Variants in KAZN observed in about 807,000 individuals in gnomAD.
KAZN encodes kazrin, periplakin interacting protein, also known as kazrin.
KAZN carries 40 observed loss-of-function variants against 87.4 expected under a neutral mutation model. The observed-to-expected ratio is 0.46, with a 90% CI of 0.36 to 0.60. The LOEUF (loss-of-function observed/expected upper bound fraction) is 0.60. KAZN is among the 20% of genes least tolerant of loss of function. KAZN has a pLI of 0.00. For synonymous variants in KAZN, 466 were observed against 458.3 expected (o/e 1.02, Z -0.22); for missense variants, 898 against 1,073.9 (o/e 0.84, Z 2.29).
chr1:14,189,100 C>G lies in KAZN; in HGVS notation c.249+8508C>G, dbSNP rs574631279. Among the ~76,000 whole-genome samples the G allele has an allele frequency of 3.9e-5, 6 of 152,222 alleles. No individual in the cohort carries two copies. In the East Asian group the frequency reaches 9.7e-4, roughly 25 times the overall value. On this transcript the variant is annotated intron_variant, in intron 2 of 16. Transcript: ENST00000636203. ...ATACAGCCAGTAAGACTCCTTGGTG[C>G]CAACTCGAGCCAATAGCCCATGTTC...
At chr1:14,329,761 A>G (rs1194384663) in intron 2 of KAZN, among the ~76,000 whole-genome samples, 1 of 152,208 alleles carries the variant, frequency 6.6e-6, no homozygotes, top group Non-Finnish European at 1.5e-5. Context: ...CATAAGTCAA[A>G]GGATCATTGG....
intron 6 of KAZN, chr1:15,062,082 G>T (rs1292347935): frequency 6.6e-6 from 1 of 152,174 alleles, no homozygotes; most frequent in Non-Finnish European, 1.5e-5. Flanking sequence ...TCTCGTGGTG[G>T]GCCCATGGGG....
chr1:14,060,102 C>G lies in KAZN; in HGVS notation c.92-120333C>G, dbSNP rs114248332. ...GAATGAGCCTGGGGGCAGTGGTTCA[C>G]GCCTGTAATCCAGCACTTTGGGAGG... On this transcript the variant is annotated intron_variant, in intron 1 of 16. Coordinates refer to the KAZN transcript ENST00000636203. Among the ~76,000 whole-genome samples the G allele has an allele frequency of 5.0e-3, 749 of 150,614 alleles. 5 individuals carry two copies. Among genetic ancestry groups the G allele is most frequent in the African/African-American group, 0.018 (716 of 40,082 alleles).
intron 1 of KAZN, among the ~76,000 whole-genome samples, chr1:14,946,533 T>G (rs1661819366): frequency 6.6e-6 from 1 of 152,052 alleles, no homozygotes; most frequent in Admixed American, 6.6e-5. Context: ...GAGACAGGGT[T>G]TCACCGTGTT....
At chr1:14,246,363 T>G (rs1649515219) in intron 2 of KAZN, among the ~76,000 whole-genome samples, 1 of 152,228 alleles carries the variant, frequency 6.6e-6, no homozygotes, top group African/African-American at 2.4e-5. Context: ...TGTTGTTATT[T>G]ATTGCCATTT....
At chr1:14,178,516 T>C (rs1646131655) in intron 1 of KAZN, among the ~76,000 whole-genome samples, 1 of 152,232 alleles carries the variant, frequency 6.6e-6, no homozygotes, top group African/African-American at 2.4e-5. Context: ...TTTTCATCCC[T>C]AGAGGTTCCA....
At chr1:15,006,836 C>G (rs1269620917) in intron 2 of KAZN, among the ~76,000 whole-genome samples, 2 of 152,020 alleles carry the variant, frequency 1.3e-5, no homozygotes, top group East Asian at 3.9e-4. Context: ...GCAGGCGGAT[C>G]ACGAGGTCAG....
intron 2 of KAZN, among the ~76,000 whole-genome samples, chr1:14,226,316 A>G (rs550309799): frequency 6.6e-6 from 1 of 152,324 alleles, no homozygotes; most frequent in East Asian, 1.9e-4. Flanking sequence ...AATTTTCAAT[A>G]TCACTAATCA....
At chr1:14,023,062 C>A (rs1479037317) in intron 1 of KAZN, among the ~76,000 whole-genome samples, 2 of 152,142 alleles carry the variant, frequency 1.3e-5, no homozygotes, top group Non-Finnish European at 2.9e-5. Flanking sequence ...TGCCTGTAAT[C>A]CCAACACTTT....
intron 1 of KAZN, among the ~76,000 whole-genome samples, chr1:14,109,740 G>A (rs1644456912): frequency 7.3e-6 from 1 of 137,354 alleles, no homozygotes; most frequent in South Asian, 2.3e-4. Context: ...GCAAAGACTG[G>A]AGCCACCATT....
chr1:15,085,838 G>A (rs1187611646), intron 8 of KAZN, among the ~76,000 whole-genome samples: 1 of 152,168 alleles, frequency 6.6e-6, no homozygotes, highest in Non-Finnish European at 1.5e-5. Flanking sequence ...AGGTAATATT[G>A]TAAGAGATAA....
chr1:14,392,030 A>G (rs1662482383), intron 2 of KAZN, among the ~76,000 whole-genome samples: 1 of 152,018 alleles, frequency 6.6e-6, no homozygotes, highest in Non-Finnish European at 1.5e-5. Context: ...GAATATGACA[A>G]GTCCTTGGGA....
intron 1 of KAZN, among the ~76,000 whole-genome samples, chr1:14,605,420 C>T (rs1292220459): frequency 1.3e-5 from 2 of 152,178 alleles, no homozygotes. Flanking sequence ...CACTTAACTC[C>T]TACTAGCCTA....
At chr1:14,928,038 T>C (rs1374222990) in intron 1 of KAZN, among the ~76,000 whole-genome samples, 2 of 152,080 alleles carry the variant, frequency 1.3e-5, no homozygotes, top group African/African-American at 4.8e-5. Flanking sequence ...AAACTGGTCC[T>C]TAGAACAGTT....
intron 1 of KAZN, among the ~76,000 whole-genome samples, chr1:13,930,444 TTACAATGGGA>T (rs1441948859): frequency 2.4e-4 from 36 of 152,316 alleles, no homozygotes; most frequent in African/African-American, 8.7e-4. Context: ...CATGTCATTA[TTACAATGGGA>T]TACAATGGGA....
At chr1:15,055,979 C>A (rs1557763188) in intron 4 of KAZN, 112 bp from the exon 5 acceptor site, 1 of 1,037,258 alleles carries the variant, frequency 9.6e-7, no homozygotes, top group Non-Finnish European at 1.4e-6. Flanking sequence ...GCCAGCAATA[C>A]CCGGTGCAGA....
chr1:14,477,450 CTCTCTCTCTCTCTT>C (rs377605618), intron 2 of KAZN, among the ~76,000 whole-genome samples: 6,389 of 150,944 alleles, frequency 0.042, 335 homozygotes, highest in African/African-American at 0.12. Flanking sequence ...CTCTCCCCCT[CTCTCTCTCTCTCTT>C]TCTCTCTCTC....
chr1:14,620,684 T>A (rs1169011739), intron 1 of KAZN, among the ~76,000 whole-genome samples: 1 of 152,190 alleles, frequency 6.6e-6, no homozygotes, highest in Admixed American at 6.5e-5. Flanking sequence ...AGAGGCCTTC[T>A]CAAGTAACAG....
intron 2 of KAZN, among the ~76,000 whole-genome samples, chr1:14,364,485 GAAT>G (rs1438691752): frequency 1.3e-5 from 2 of 152,110 alleles, no homozygotes; most frequent in East Asian, 3.9e-4. Context: ...TCTAAAATGG[GAAT>G]AATGATGCTG....
Sources: gnomAD v4.1 joint callset for allele counts (sites outside exome capture counted in the v4.1 genomes callset) on GRCh38, gnomAD v4.1.1 for gene constraint, MANE v1.5 for transcripts, NCBI Gene and HGNC (gene_info 2026-07-23, HGNC 2026-07-21) for gene names.